The following GPSM3 variants were observed in gnomAD, a reference collection of about 807,000 sequenced individuals.
GPSM3 encodes G protein-signaling modulator 3.
A neutral mutation model predicts 20.4 loss-of-function variants in GPSM3; 16 were observed. The observed-to-expected ratio is 0.78, with a 90% CI of 0.53 to 1.19. GPSM3 has a LOEUF of 1.19. Among genes scored for constraint, GPSM3 ranks in the 50% most tolerant of loss-of-function variants. The probability of loss-of-function intolerance (pLI) is 0.00; values close to 1 mark genes in which losing one functional copy is unlikely to be tolerated. For synonymous variants in GPSM3, 70 were observed against 79.6 expected, an observed-to-expected ratio of 0.88 and a Z score of 0.64; for missense variants, 177 against 204.6, an observed-to-expected ratio of 0.86 and a Z score of 0.82.
Position 32,191,186 on chromosome 6 carries a change from C to T in GPSM3, c.*180G>A. ...ATCCCTGTTCCATCTCGCCTGTTCC[C>T]AGAGTTTGAGGACTTTCACCCTGTC... is the stretch of plus-strand genomic sequence containing the variant. On this transcript the variant is annotated 3_prime_UTR_variant, in exon 4 of 4. Transcript: ENST00000375040. This position sits in a 1 kb window ranked among gnomAD's most constrained non-coding sequence, Gnocchi z 5.9. 1 of 722,186 alleles carries T rather than the reference C, an allele frequency of 1.4e-6. No homozygotes were observed. Among genetic ancestry groups the T allele is most frequent in the Non-Finnish European group, 2.1e-6 (1 of 465,670 alleles). The allele number at this position is 722,186 out of a possible 1,614,324, so 44.7% of individuals were successfully genotyped here.
rs1397878132 is a variant in GPSM3 at position 32,192,577 on chromosome 6, TGGGTTCCTGA to T, written c.-74_-65del. 1.6e-4 allele frequency: 164 copies of T among 1,027,868 alleles called. 1 individual carries two copies. The highest frequency in any genetic ancestry group is 2.1e-4 in the Non-Finnish European group (156 of 736,480). 63.7% of individuals were successfully genotyped at this position (1,027,868 alleles called of 1,614,324 possible). Reference sequence around the variant, plus strand: ...GGATTTGGGAGGAGGGCTGGAACCTTGGGTTCCTGAGGGGAGTGGGGGCTGGAAGGGGTGG... The same window carrying T: ...GGATTTGGGAGGAGGGCTGGAACCTTGGGGAGTGGGGGCTGGAAGGGGTGG... On this transcript the variant is annotated 5_prime_UTR_variant, in exon 1 of 4. Transcript: ENST00000375040. This position sits in a 1 kb window ranked among gnomAD's most constrained non-coding sequence, Gnocchi z 5.1.
chr6:32,191,235 G>A lies in GPSM3; in HGVS notation c.*131C>T. 9.1e-7 allele frequency: 1 copy of A among 1,094,636 alleles called. No homozygotes were observed. Among genetic ancestry groups the A allele is most frequent in the Non-Finnish European group, 1.3e-6 (1 of 781,620 alleles). 67.8% of individuals were successfully genotyped at this position (1,094,636 alleles called of 1,614,324 possible). A position where few individuals can be genotyped will look rare whatever the true frequency, so the allele number is the denominator to read the frequency against. On this transcript the variant is annotated 3_prime_UTR_variant, in exon 4 of 4. Transcript: ENST00000375040. This position sits in a 1 kb window ranked among gnomAD's most constrained non-coding sequence, Gnocchi z 5.9. ...TCCAGTTCCCAGGGAAGGTGATGTGGGAGATGAATATTGAGATTTGTGCCG... is the reference window on the plus strand; with the variant it reads ...TCCAGTTCCCAGGGAAGGTGATGTGAGAGATGAATATTGAGATTTGTGCCG...
upstream of GPSM3, chr6:32,195,503 T>C (rs1340503647): frequency 5.0e-6 from 8 of 1,612,838 alleles, no homozygotes; most frequent in African/African-American, 2.7e-5. This position sits in a 1 kb window ranked among gnomAD's most constrained non-coding sequence, Gnocchi z 5.4. Flanking sequence ...CACAGTCAAG[T>C]TGAGGTGATC....
At chr6:32,193,278 T>A (rs533784609), upstream of GPSM3, among the ~76,000 whole-genome samples, 2 of 152,034 alleles carry the variant, frequency 1.3e-5, no homozygotes, top group African/African-American at 2.4e-5. This position sits in a 1 kb window ranked among gnomAD's most constrained non-coding sequence, Gnocchi z 4.7. Context: ...GGCGGGTGGA[T>A]TGCCTGAGCT....
At position 32,191,928 on chromosome 6, in the gene GPSM3, G is replaced by C. The variant is rs1014740291; in HGVS notation, c.146-20C>G. ...CCAGGGCTGGGGAGAGGGGTGTGGA[G>C]GGCTCAGAGACCCAGAGAGGTTGGC... On this transcript the variant is annotated intron_variant, in intron 2 of 3. Transcript: ENST00000375040. The surrounding 1 kb of genome is among the most constrained non-coding windows in gnomAD (Gnocchi z 5.9). The C allele has an allele frequency of 1.9e-6, 3 of 1,607,846 alleles. No homozygotes were observed. The highest frequency in any genetic ancestry group is 2.5e-6 in the Non-Finnish European group (3 of 1,177,042).
chr6:32,192,362 TCA>T lies in GPSM3; in HGVS notation c.42+108_42+109del, dbSNP rs1787595188. 4 of 1,385,848 alleles carry T rather than the reference TCA, an allele frequency of 2.9e-6. No homozygotes were observed. Among genetic ancestry groups the T allele is most frequent in the Admixed American group, 2.1e-5 (1 of 48,016 alleles). The allele number at this position is 1,385,848 out of a possible 1,614,324, so 85.8% of individuals were successfully genotyped here. On this transcript the variant is annotated intron_variant, in intron 1 of 3. Transcript: ENST00000375040. This position sits in a 1 kb window ranked among gnomAD's most constrained non-coding sequence, Gnocchi z 5.1. ...CTCTCTGTGTGTCTCTGTTCCTGCC[TCA>T]GTTTGCCCAAGCCTTTCAAGGCCCC...
At chr6:32,193,650 G>C (rs1050131663), upstream of GPSM3, among the ~76,000 whole-genome samples, 1 of 152,128 alleles carries the variant, frequency 6.6e-6, no homozygotes, top group African/African-American at 2.4e-5. The surrounding 1 kb of genome is among the most constrained non-coding windows in gnomAD (Gnocchi z 4.7). Flanking sequence ...TATAGATATG[G>C]AACAATGAGA....
rs1415334920 is a variant in GPSM3 at position 32,192,529 on chromosome 6, A to C, written c.-16T>G. 1.1e-5 allele frequency: 18 copies of C among 1,578,706 alleles called. No individual in the cohort carries two copies. Among genetic ancestry groups the C allele is most frequent in the Non-Finnish European group, 1.6e-5 (18 of 1,161,042 alleles). ...CAGCCTCCATCCCCTAGAGGGGAGA[A>C]ACTGGTGGGGGAGGGGTGGCTGGGA... On this transcript the variant is annotated 5_prime_UTR_variant, in exon 1 of 4. Coordinates refer to ENST00000375040, the MANE Select transcript of GPSM3 (RefSeq NM_001276501.2). The surrounding 1 kb of genome is among the most constrained non-coding windows in gnomAD (Gnocchi z 5.1).
chr6:32,192,539 G>GCCT lies in GPSM3; in HGVS notation c.-27_-26insAGG, dbSNP rs781600341. 2 of 1,571,804 alleles carry GCCT rather than the reference G, an allele frequency of 1.3e-6. No homozygotes were observed. Among genetic ancestry groups the GCCT allele is most frequent in the Admixed American group, 3.7e-5 (2 of 54,488 alleles). ...CCCCTAGAGGGGAGAAACTGGTGGG[G>GCCT]GAGGGGTGGCTGGGATTTGGGAGGA... On this transcript the variant is annotated 5_prime_UTR_variant, in exon 1 of 4. Transcript: ENST00000375040. This position sits in a 1 kb window ranked among gnomAD's most constrained non-coding sequence, Gnocchi z 5.1.
chr6:32,192,966 C>T (rs376796068), upstream of GPSM3: 4 of 159,318 alleles, frequency 2.5e-5, no homozygotes, highest in South Asian at 7.8e-4. The surrounding 1 kb of genome is among the most constrained non-coding windows in gnomAD (Gnocchi z 5.1). Flanking sequence ...CCCCCTCCCC[C>T]CAGCCAGGTC....
upstream of GPSM3, chr6:32,192,666 T>C: frequency 2.0e-6 from 1 of 488,686 alleles, no homozygotes; most frequent in Non-Finnish European, 3.7e-6. This position sits in a 1 kb window ranked among gnomAD's most constrained non-coding sequence, Gnocchi z 5.1. Context: ...GGGTTCCTGG[T>C]CAGCCCCCCC....
chr6:32,195,285 A>ATGTC (rs1787788580), upstream of GPSM3: 2 of 699,776 alleles, frequency 2.9e-6, no homozygotes, highest in South Asian at 4.1e-5. The surrounding 1 kb of genome is among the most constrained non-coding windows in gnomAD (Gnocchi z 5.4). Flanking sequence ...CACGTGGAAG[A>ATGTC]TGTCTGCTCT....
At chr6:32,193,585 CTT>C (rs1787680177), upstream of GPSM3, among the ~76,000 whole-genome samples, 1 of 151,982 alleles carries the variant, frequency 6.6e-6, no homozygotes, top group Non-Finnish European at 1.5e-5. This position sits in a 1 kb window ranked among gnomAD's most constrained non-coding sequence, Gnocchi z 4.7. Flanking sequence ...ATTTTGGAAA[CTT>C]ATAGTTTAGT....
chr6:32,192,670 C>T (rs1787622854), upstream of GPSM3: 1 of 480,578 alleles, frequency 2.1e-6, no homozygotes, highest in Non-Finnish European at 3.7e-6. This position sits in a 1 kb window ranked among gnomAD's most constrained non-coding sequence, Gnocchi z 5.1. Flanking sequence ...TCCTGGTCAG[C>T]CCCCCCACGG....
chr6:32,192,605 A>C lies in GPSM3; in HGVS notation c.-92T>G. On this transcript the variant is annotated 5_prime_UTR_variant, in exon 1 of 4. Coordinates refer to ENST00000375040, the MANE Select transcript of GPSM3 (RefSeq NM_001276501.2). The surrounding 1 kb of genome is among the most constrained non-coding windows in gnomAD (Gnocchi z 5.1). ...GTTCCTGAGGGGAGTGGGGGCTGGA[A>C]GGGGTGGGGGTGAGCTGGGGGCTGG... 9.8e-6 allele frequency: 4 copies of C among 406,754 alleles called. No homozygotes were observed. The highest frequency in any genetic ancestry group is 6.1e-5 in the East Asian group (1 of 16,436). 25.2% of individuals were successfully genotyped at this position (406,754 alleles called of 1,614,324 possible).
At chr6:32,192,741 T>C, upstream of GPSM3, 1 of 445,480 alleles carries the variant, frequency 2.2e-6, no homozygotes, top group Non-Finnish European at 4.0e-6. The surrounding 1 kb of genome is among the most constrained non-coding windows in gnomAD (Gnocchi z 5.1). Context: ...TTGTTCAGTC[T>C]CTCTCGCCCC....
Position 32,191,655 on chromosome 6 carries a change from A to G in GPSM3, c.345+54T>C, listed in dbSNP as rs1787523735. ...AAACAGGAGTAGAGCCCCAAAGAGA[A>G]CAGGGGCCAAGAGACCAGGAGGCCT... On this transcript the variant is annotated intron_variant, in intron 3 of 3. Coordinates refer to ENST00000375040, the MANE Select transcript of GPSM3 (RefSeq NM_001276501.2). This position sits in a 1 kb window ranked among gnomAD's most constrained non-coding sequence, Gnocchi z 5.9. 7.3e-6 allele frequency: 11 copies of G among 1,507,776 alleles called. No homozygotes were observed. The South Asian group carries it at 1.4e-4, about 19-fold the overall frequency. 93.4% of individuals were successfully genotyped at this position (1,507,776 alleles called of 1,614,324 possible).
chr6:32,191,279 A>G lies in GPSM3; in HGVS notation c.*87T>C. 1.4e-6 allele frequency: 2 copies of G among 1,445,514 alleles called. No individual in the cohort carries two copies. Among genetic ancestry groups the G allele is most frequent in the African/African-American group, 1.5e-5 (1 of 67,948 alleles). 89.5% of individuals were successfully genotyped at this position (1,445,514 alleles called of 1,614,324 possible). On this transcript the variant is annotated 3_prime_UTR_variant, in exon 4 of 4. Transcript: ENST00000375040. This position sits in a 1 kb window ranked among gnomAD's most constrained non-coding sequence, Gnocchi z 5.9. ...TGTGCCGTGTCTTTCAGTCTCTGGTACCCCTGCCAAGCAAGAGTTGAGGGC... is the reference window on the plus strand; with the variant it reads ...TGTGCCGTGTCTTTCAGTCTCTGGTGCCCCTGCCAAGCAAGAGTTGAGGGC...
Position 32,191,381 on chromosome 6 carries a change from G to T in GPSM3, c.468C>A (p.Pro156=), listed in dbSNP as rs149772913. ...GRMEEQRSRP[P]THTC is the part of the protein sequence containing the mutation. ...GGCTCAAGTCTCAGCAGGTGTGTGT[G>T]GGGGGCCGGGACCTTTGCTCCTCCA... is the stretch of plus-strand genomic sequence containing the variant. Residue 156 remains proline, a synonymous_variant, in exon 4 of 4, where the codon CCC becomes CCA. Transcript: ENST00000375040. The surrounding 1 kb of genome is among the most constrained non-coding windows in gnomAD (Gnocchi z 5.9). The T allele has an allele frequency of 3.2e-5, 51 of 1,585,152 alleles. No homozygotes were observed. The Admixed American group carries it at 9.1e-4, about 28-fold the overall frequency.
Sources: allele counts gnomAD v4.1 joint callset (sites outside exome capture counted in the v4.1 genomes callset), GRCh38; gene constraint gnomAD v4.1.1; non-coding constraint Gnocchi (gnomAD v3.1); transcripts MANE v1.5; gene names NCBI Gene and HGNC (gene_info 2026-07-23, HGNC 2026-07-21).